The following ADAMTS12 variants were observed in gnomAD, a reference collection of about 807,000 sequenced individuals.
The protein encoded by ADAMTS12 is A disintegrin and metalloproteinase with thrombospondin motifs 12.
ADAMTS12 carries 118 observed loss-of-function variants against 167.8 expected under a neutral mutation model. The ratio of observed to expected loss-of-function variants is 0.70; its 90% CI spans 0.61 to 0.82. ADAMTS12 has a LOEUF of 0.82. Among genes scored for constraint, ADAMTS12 ranks in the 40% least tolerant of loss-of-function variants. ADAMTS12 has a pLI of 0.00. For synonymous variants in ADAMTS12, 704 were observed against 716.9 expected, an observed-to-expected ratio of 0.98 and a Z score of 0.29; for missense variants, 1,916 against 1,998.8, an observed-to-expected ratio of 0.96 and a Z score of 0.79.
intron 2 of ADAMTS12, among the ~76,000 whole-genome samples, chr5:33,836,047 G>C (rs1014552368): frequency 2.0e-5 from 3 of 151,492 alleles, no homozygotes; most frequent in African/African-American, 7.3e-5. Context: ...CAAATGTATG[G>C]ATGTTACTGG....
At chr5:33,560,937 AC>A in intron 20 of ADAMTS12, 89 bp downstream of exon 20, 14 of 1,408,128 alleles carry the variant, frequency 9.9e-6, no homozygotes, top group Middle Eastern at 1.8e-4. Flanking sequence ...AAAAAAAAAA[AC>A]GACTTTAGCA....
In ADAMTS12 at chr5:33,576,094, C is replaced by T. The variant is rs1746694460; in HGVS notation, c.3932G>A (p.Gly1311Asp). 2 of 1,613,784 alleles carry T rather than the reference C, an allele frequency of 1.2e-6. No homozygotes were observed. Among genetic ancestry groups the T allele is most frequent in the Non-Finnish European group, 1.7e-6 (2 of 1,180,008 alleles). The change falls in exon 19 of 24, where the codon GGC (glycine) becomes GAC (aspartate). Residue 1311 changes from glycine (G) to aspartate (D), a missense_variant. Coordinates refer to ENST00000504830, the MANE Select transcript of ADAMTS12 (RefSeq NM_030955.4). ...NASNYKQLTN[G>D]HGSAHWIVGN... ...GACGATCCAGTGTGCAGAGCCGTGG[C>T]CGTTTGTGAGCTGCTTGTAATTGGA...
intron 2 of ADAMTS12, among the ~76,000 whole-genome samples, chr5:33,830,979 G>A (rs1481256860): frequency 6.6e-6 from 1 of 152,026 alleles, no homozygotes; most frequent in African/African-American, 2.4e-5. Context: ...TGATGCTTTT[G>A]GTTCCTGATT....
chr5:33,645,419 C>A (rs1016320171), intron 9 of ADAMTS12, among the ~76,000 whole-genome samples: 1 of 152,060 alleles, frequency 6.6e-6, no homozygotes, highest in African/African-American at 2.4e-5. Context: ...CTTTGAGAAT[C>A]GCGGCTTCAT....
intron 20 of ADAMTS12, among the ~76,000 whole-genome samples, chr5:33,553,171 T>G (rs970830078): frequency 6.6e-6 from 1 of 152,320 alleles, no homozygotes; most frequent in East Asian, 1.9e-4. Context: ...TGAGATACCA[T>G]TTCACATCTG....
At chr5:33,665,349 G>A (rs1741428437) in intron 5 of ADAMTS12, among the ~76,000 whole-genome samples, 2 of 152,090 alleles carry the variant, frequency 1.3e-5, no homozygotes, top group African/African-American at 4.8e-5. Flanking sequence ...ACAATGTACT[G>A]TACTGTATAT....
intron 5 of ADAMTS12, among the ~76,000 whole-genome samples, chr5:33,681,544 A>C (rs1427895951): frequency 6.6e-6 from 1 of 152,224 alleles, no homozygotes; most frequent in Non-Finnish European, 1.5e-5. Context: ...TTCCGCCCTC[A>C]TGGAAGCCAT....
chr5:33,689,623 A>T (rs1742479073), intron 3 of ADAMTS12, among the ~76,000 whole-genome samples: 2 of 152,124 alleles, frequency 1.3e-5, no homozygotes, highest in Admixed American at 1.3e-4. Context: ...GATATTCTGG[A>T]CCCAGTGTTG....
chr5:33,818,951 G>A (rs1747770403), intron 2 of ADAMTS12, among the ~76,000 whole-genome samples: 1 of 151,850 alleles, frequency 6.6e-6, no homozygotes, highest in Admixed American at 6.6e-5. Context: ...TTCTGCTATT[G>A]AGTTGTAAGA....
intron 2 of ADAMTS12, among the ~76,000 whole-genome samples, chr5:33,779,509 G>A (rs1186611381): frequency 6.6e-6 from 1 of 152,124 alleles, no homozygotes; most frequent in African/African-American, 2.4e-5. Context: ...TTGAAGAGAT[G>A]TCTGAACTCC....
intron 16 of ADAMTS12, among the ~76,000 whole-genome samples, chr5:33,604,919 T>C (rs1561162117): frequency 6.6e-6 from 1 of 152,202 alleles, no homozygotes; most frequent in Non-Finnish European, 1.5e-5. Context: ...AATCTAATGC[T>C]AAGACAAGCT....
intron 3 of ADAMTS12, among the ~76,000 whole-genome samples, chr5:33,697,560 C>T (rs1162911718): frequency 1.2e-5 from 1 of 81,354 alleles, no homozygotes; most frequent in Non-Finnish European, 2.5e-5. Context: ...TACCCCGCTC[C>T]TTTTTCCCTT....
intron 3 of ADAMTS12, among the ~76,000 whole-genome samples, chr5:33,698,378 A>G (rs1201850219): frequency 6.6e-6 from 1 of 152,210 alleles, no homozygotes; most frequent in African/African-American, 2.4e-5. Flanking sequence ...CATACAGTGG[A>G]CCATTCTCAT....
At chr5:33,842,861 C>T (rs1273737865) in intron 2 of ADAMTS12, among the ~76,000 whole-genome samples, 1 of 152,188 alleles carries the variant, frequency 6.6e-6, no homozygotes, top group Non-Finnish European at 1.5e-5. Flanking sequence ...AAGACAGAGC[C>T]AGACTTGGTG....
intron 5 of ADAMTS12, among the ~76,000 whole-genome samples, chr5:33,668,681 AC>A (rs1741561549): frequency 6.6e-6 from 1 of 152,094 alleles, no homozygotes; most frequent in South Asian, 2.1e-4. Context: ...ACGGGGTTTC[AC>A]CATGTTGGCC....
At position 33,891,865 on chromosome 5, in the gene ADAMTS12, T is replaced by A. The variant is rs1453036960; in HGVS notation, c.-9A>T. ...CTCTGGGCACATGGCATGATTCAGA[T>A]GTTGAGGAGAAGAAAAGTCAAAAAA... is the stretch of plus-strand genomic sequence containing the variant. On this transcript the variant is annotated 5_prime_UTR_variant, in exon 1 of 24. Transcript: ENST00000504830. The A allele has an allele frequency of 6.2e-7, 1 of 1,609,994 alleles. No individual in the cohort carries two copies. The highest frequency in any genetic ancestry group is 1.7e-5 in the Admixed American group (1 of 59,044).
chr5:33,610,803 A>G (rs1302667860), intron 16 of ADAMTS12, among the ~76,000 whole-genome samples: 1 of 152,344 alleles, frequency 6.6e-6, no homozygotes, highest in East Asian at 1.9e-4. Context: ...ACAGTGGCTC[A>G]TGCCTGTAAT....
chr5:33,594,562 C>T (rs950320962), intron 17 of ADAMTS12, among the ~76,000 whole-genome samples: 2 of 152,144 alleles, frequency 1.3e-5, no homozygotes, highest in African/African-American at 4.8e-5. Context: ...CTCATTCTTC[C>T]CTGAGAAAGT....
At chr5:33,819,594 C>A (rs576048123) in intron 2 of ADAMTS12, among the ~76,000 whole-genome samples, 1 of 152,014 alleles carries the variant, frequency 6.6e-6, no homozygotes, top group Non-Finnish European at 1.5e-5. Flanking sequence ...TGGTTCTATA[C>A]AAATTTTAGG....
Sources: allele counts gnomAD v4.1 joint callset (sites outside exome capture counted in the v4.1 genomes callset), GRCh38; gene constraint gnomAD v4.1.1; transcripts MANE v1.5; gene names NCBI Gene and HGNC (gene_info 2026-07-23, HGNC 2026-07-21).